Variants in CA5B observed in about 807,000 individuals in gnomAD.
CA5B encodes carbonic anhydrase 5B.
Under a neutral mutation model 23.1 loss-of-function variants are expected in CA5B, and 15 were observed. That is an observed-to-expected ratio of 0.65 (90% CI 0.43 to 1.00). The LOEUF (loss-of-function observed/expected upper bound fraction) is 1.00, where lower values mean the gene tolerates loss of function less well. Ranked by LOEUF, CA5B falls within the 50% of genes least tolerant of loss-of-function variation. CA5B has a pLI of 0.00. For missense variants in CA5B, 236 were observed against 252.2 expected (o/e 0.94, Z 0.43); for synonymous variants, 84 against 98.5 (o/e 0.85, Z 0.87).
At position 15,749,964 on chromosome X, in the gene CA5B, C is replaced by A; in HGVS notation, c.-53-7C>A. On this transcript the variant is annotated splice_region_variant and splice_polypyrimidine_tract_variant and intron_variant, in intron 1 of 7. Coordinates refer to ENST00000318636, the MANE Select transcript of CA5B (RefSeq NM_007220.4). ...CAGCTTTCCCTCCTCTGCCCTCATC[C>A]CTCTAGATTATTAAGTTCCTGCAAC... 8.4e-7 allele frequency: 1 copy of A among 1,184,962 alleles called. No homozygotes were observed. Among genetic ancestry groups the A allele is most frequent in the South Asian group, 1.8e-5 (1 of 54,329 alleles).
chrX:15,743,148 G>A (rs978139274), intron 1 of CA5B, among the ~76,000 whole-genome samples: 3 of 112,241 alleles, frequency 2.7e-5, no homozygotes, highest in Non-Finnish European at 3.8e-5. Context: ...CCAGACATAC[G>A]CCCACTTCAG....
At position 15,784,451 on chromosome X, in the gene CA5B, CAGAT is replaced by C. The variant is rs1319580808; in HGVS notation, c.*1790_*1793del. 1 of 111,959 alleles carries C rather than the reference CAGAT, an allele frequency of 8.9e-6. No homozygotes were observed. Among genetic ancestry groups the C allele is most frequent in the Non-Finnish European group, 1.9e-5 (1 of 53,228 alleles). The allele number at this position is 111,959 out of a possible 1,213,427, so 9.2% of individuals were successfully genotyped here. A position where few individuals can be genotyped will look rare whatever the true frequency, so the allele number is the denominator to read the frequency against. ...TATGGTAATAGGGAGAGAAACTTGTCAGATAGGCTAAAATCTAGATAATTCTACA... is the reference window on the plus strand; with the variant it reads ...TATGGTAATAGGGAGAGAAACTTGTCAGGCTAAAATCTAGATAATTCTACA... On this transcript the variant is annotated 3_prime_UTR_variant, in exon 8 of 8. Coordinates refer to ENST00000318636, the MANE Select transcript of CA5B (RefSeq NM_007220.4).
chrX:15,770,080 G>A (rs748215774), intron 3 of CA5B, among the ~76,000 whole-genome samples: 2 of 111,723 alleles, frequency 1.8e-5, no homozygotes, highest in African/African-American at 3.3e-5. Context: ...TTGGGAGGCC[G>A]ATGTGGGTGG....
chrX:15,742,416 C>T (rs772163719), intron 1 of CA5B, among the ~76,000 whole-genome samples: 2 of 112,635 alleles, frequency 1.8e-5, no homozygotes, highest in African/African-American at 3.2e-5. Context: ...ACTCTGATGC[C>T]AGGCTGGAGT....
intron 3 of CA5B, among the ~76,000 whole-genome samples, chrX:15,771,563 A>T (rs1243063235): frequency 5.7e-5 from 6 of 105,080 alleles, no homozygotes; most frequent in African/African-American, 2.1e-4. Context: ...AGTAGCTGGG[A>T]CTACAGGCAT....
chrX:15,762,129 G>A (rs5980179), intron 2 of CA5B, among the ~76,000 whole-genome samples: 35,528 of 108,896 alleles, frequency 0.33, 5,723 homozygotes, highest in Non-Finnish European at 0.49. Flanking sequence ...AGTTAGCCGG[G>A]TGTGGTGGCA....
Position 15,780,619 on chromosome X carries a change from G to A in CA5B, c.775-1866G>A, listed in dbSNP as rs949123647. On this transcript the variant is annotated intron_variant, in intron 7 of 7. Transcript: ENST00000318636. Reference sequence around the variant, plus strand: ...TGAACATCTTCAGTATTATTTTTAAGGACTATATACTAGTTCATTTCATAG... The same window carrying A: ...TGAACATCTTCAGTATTATTTTTAAAGACTATATACTAGTTCATTTCATAG... 2.7e-5 allele frequency among the ~76,000 whole-genome samples: 3 copies of A among 111,979 alleles called. No homozygotes were observed. In the Admixed American group the frequency reaches 2.8e-4, roughly 11 times the overall value.
chrX:15,780,166 A>G (rs1931995762), intron 7 of CA5B, among the ~76,000 whole-genome samples: 1 of 111,409 alleles, frequency 9.0e-6, no homozygotes, highest in Non-Finnish European at 1.9e-5. Flanking sequence ...CCAGATGCAC[A>G]TAAGTCCTTA....
At chrX:15,744,041 T>G (rs1446767230) in intron 1 of CA5B, among the ~76,000 whole-genome samples, 1 of 111,304 alleles carries the variant, frequency 9.0e-6, no homozygotes, top group African/African-American at 3.3e-5. Flanking sequence ...ACTGAGAGGG[T>G]GAAGGTGAGG....
intron 5 of CA5B, among the ~76,000 whole-genome samples, chrX:15,774,920 A>G (rs938631210): frequency 3.6e-5 from 4 of 112,642 alleles, no homozygotes; most frequent in African/African-American, 6.4e-5. Context: ...ACATGTGGCA[A>G]TTGAGCACTT....
chrX:15,765,434 A>G (rs1931686850), intron 3 of CA5B: 1 of 114,239 alleles, frequency 8.8e-6, no homozygotes, highest in African/African-American at 3.2e-5. Context: ...CCTGAAACTT[A>G]TAGTGTCTAT....
intron 1 of CA5B, among the ~76,000 whole-genome samples, chrX:15,745,258 A>G (rs1931207068): frequency 8.9e-6 from 1 of 112,052 alleles, no homozygotes; most frequent in African/African-American, 3.2e-5. Flanking sequence ...ACAGAAGGAC[A>G]AATACCGTAC....
At chrX:15,775,018 C>T (rs902329674) in intron 5 of CA5B, among the ~76,000 whole-genome samples, 1 of 112,533 alleles carries the variant, frequency 8.9e-6, no homozygotes, top group Non-Finnish European at 1.9e-5. Context: ...CAGGGGGCAC[C>T]TTTCACTGCA....
chrX:15,768,881 T>C (rs917666951), intron 3 of CA5B: 2 of 112,031 alleles, frequency 1.8e-5, no homozygotes, highest in Non-Finnish European at 3.8e-5. Context: ...CACAGTGTGC[T>C]TTGTGAGGAT....
chrX:15,758,875 T>C (rs1291279074), intron 2 of CA5B, among the ~76,000 whole-genome samples: 1 of 111,832 alleles, frequency 8.9e-6, no homozygotes, highest in Non-Finnish European at 1.9e-5. Context: ...CCTCATCTTA[T>C]TCCATCCACA....
At chrX:15,776,469 G>T (rs1290608382) in intron 6 of CA5B, among the ~76,000 whole-genome samples, 4 of 111,487 alleles carry the variant, frequency 3.6e-5, no homozygotes, top group Admixed American at 9.5e-5. Flanking sequence ...AGAATTGAGA[G>T]ATCAAGTGGT....
rs766685420 is a variant in CA5B, at chrX:15,750,064, C to G, written c.41C>G (p.Ser14Cys). Residue 14 changes from serine to cysteine, a missense_variant, in exon 2 of 8, where the codon TCT becomes TGT. Coordinates refer to ENST00000318636, the MANE Select transcript of CA5B (RefSeq NM_007220.4). ...AGCCTGAGGGTCATTCTTCAAGCCT[C>G]TCCAGGCAAATTGCTGTGGAGAAAG... ...MNSLRVILQA[S>C]PGKLLWRKFQ... 4.1e-6 allele frequency: 5 copies of G among 1,209,304 alleles called. No individual in the cohort carries two copies. In the South Asian group the frequency reaches 8.8e-5, roughly 21 times the overall value.
intron 1 of CA5B, among the ~76,000 whole-genome samples, chrX:15,743,149 C>A (rs1019026135): frequency 2.7e-5 from 3 of 112,658 alleles, no homozygotes; most frequent in Non-Finnish European, 3.8e-5. Context: ...CAGACATACG[C>A]CCACTTCAGG....
intron 2 of CA5B, chrX:15,762,733 C>T (rs748337815): frequency 6.0e-6 from 2 of 333,339 alleles, no homozygotes; most frequent in South Asian, 2.7e-5. Flanking sequence ...AGTGGTGGGG[C>T]GAGATGCAGA....
Sources: gnomAD v4.1 joint callset for allele counts (sites outside exome capture counted in the v4.1 genomes callset) on GRCh38, gnomAD v4.1.1 for gene constraint, MANE v1.5 for transcripts, NCBI Gene and HGNC (gene_info 2026-07-23, HGNC 2026-07-21) for gene names.